Variants in CADPS observed in about 807,000 individuals in gnomAD.
CADPS encodes the protein calcium dependent secretion activator.
A neutral mutation model predicts 167.3 loss-of-function variants in CADPS; 57 were observed. The ratio of observed to expected loss-of-function variants is 0.34; its 90% CI spans 0.28 to 0.42. The LOEUF (loss-of-function observed/expected upper bound fraction) is 0.42, where lower values mean the gene tolerates loss of function less well. CADPS is among the 20% of genes least tolerant of loss of function. The probability of loss-of-function intolerance (pLI) is 1.00; values close to 1 mark genes in which losing one functional copy is unlikely to be tolerated. For missense variants in CADPS, 1,414 were observed against 1,738.1 expected, an observed-to-expected ratio of 0.81 and a Z score of 3.32; for synonymous variants, 676 against 635.3, an observed-to-expected ratio of 1.06 and a Z score of -0.96.
intron 18 of CADPS, among the ~76,000 whole-genome samples, chr3:62,497,752 T>C (rs1424492349): frequency 6.6e-6 from 1 of 152,070 alleles, no homozygotes; most frequent in African/African-American, 2.4e-5. Context: ...ATAGAGACGG[T>C]TGTTGAGGAA....
chr3:62,821,288 T>C (rs778230222), intron 1 of CADPS, among the ~76,000 whole-genome samples: 10 of 152,106 alleles, frequency 6.6e-5, no homozygotes, highest in Non-Finnish European at 1.3e-4. Flanking sequence ...CTCACCTGGG[T>C]TCTCTGCTTT....
chr3:62,661,156 C>T (rs1213666016), intron 4 of CADPS, among the ~76,000 whole-genome samples: 1 of 152,144 alleles, frequency 6.6e-6, no homozygotes, highest in African/African-American at 2.4e-5. Flanking sequence ...GTAGATAACA[C>T]TTAGCTGTAG....
chr3:62,498,723 A>AT (rs397973427), intron 18 of CADPS, among the ~76,000 whole-genome samples: 1 of 152,020 alleles, frequency 6.6e-6, no homozygotes, highest in Non-Finnish European at 1.5e-5. Flanking sequence ...GAAAAAAAAA[A>AT]TGAAGACTGT....
intron 1 of CADPS, among the ~76,000 whole-genome samples, chr3:62,810,895 G>A (rs371208354): frequency 6.6e-6 from 1 of 152,240 alleles, no homozygotes; most frequent in Non-Finnish European, 1.5e-5. Context: ...CACAAAGGAG[G>A]CTATCAGTTA....
chr3:62,725,602 T>C (rs2076595118), intron 3 of CADPS, among the ~76,000 whole-genome samples: 1 of 152,022 alleles, frequency 6.6e-6, no homozygotes, highest in Non-Finnish European at 1.5e-5. Flanking sequence ...CGTATGATGA[T>C]AAAATGAATT....
At position 62,841,645 on chromosome 3, in the gene CADPS, G is replaced by A. The variant is rs904877010; in HGVS notation, c.441+32944C>T. ...GGCAGGAAGAGGTCGAGGCTGCAGC[G>A]AGCCCTGATGGCACCACTGCACTTC... On this transcript the variant is annotated intron_variant, in intron 1 of 29. Coordinates refer to ENST00000383710, the MANE Select transcript of CADPS (RefSeq NM_003716.4). 2.6e-5 allele frequency among the ~76,000 whole-genome samples: 4 copies of A among 152,146 alleles called. 1 individual carries two copies. The highest frequency in any genetic ancestry group is 3.9e-4 in the East Asian group (2 of 5,180).
intron 1 of CADPS, among the ~76,000 whole-genome samples, chr3:62,835,177 G>C (rs2075717794): frequency 1.3e-5 from 2 of 151,946 alleles, no homozygotes. Context: ...ACTTTTTTTA[G>C]TTTCATGCAA....
chr3:62,427,880 T>C (rs1037019211), intron 28 of CADPS, among the ~76,000 whole-genome samples: 2 of 152,194 alleles, frequency 1.3e-5, no homozygotes, highest in African/African-American at 4.8e-5. Flanking sequence ...AAAAAAAATC[T>C]TTTTTTCTAC....
chr3:62,727,305 G>T (rs555317), intron 3 of CADPS, among the ~76,000 whole-genome samples: 100,114 of 151,672 alleles, frequency 0.66, 35,282 homozygotes, highest in African/African-American at 0.91. Flanking sequence ...TATAAATAAA[G>T]CTCATAGATG....
intron 3 of CADPS, among the ~76,000 whole-genome samples, chr3:62,729,771 C>G (rs1410792830): frequency 6.6e-6 from 1 of 151,678 alleles, no homozygotes; most frequent in African/African-American, 2.4e-5. Flanking sequence ...GCCTTTAACA[C>G]TTTCTCATTC....
chr3:62,407,318 A>G (rs372717282), intron 28 of CADPS, among the ~76,000 whole-genome samples: 4 of 152,240 alleles, frequency 2.6e-5, no homozygotes, highest in African/African-American at 9.6e-5. Flanking sequence ...CTTATAGGAC[A>G]CACAAGTAGC....
chr3:62,721,468 G>C (rs1439891419), intron 3 of CADPS, among the ~76,000 whole-genome samples: 1 of 152,022 alleles, frequency 6.6e-6, no homozygotes, highest in African/African-American at 2.4e-5. Context: ...CTAAGCTGTG[G>C]GTAGGTAAGC....
At chr3:62,628,589 C>A (rs1307316768) in intron 6 of CADPS, among the ~76,000 whole-genome samples, 4 of 150,192 alleles carry the variant, frequency 2.7e-5, no homozygotes, top group African/African-American at 9.8e-5. Flanking sequence ...TTTACACACA[C>A]ACACACACTC....
intron 3 of CADPS, among the ~76,000 whole-genome samples, chr3:62,731,491 G>A (rs1315560250): frequency 6.6e-6 from 1 of 152,034 alleles, no homozygotes; most frequent in Non-Finnish European, 1.5e-5. Flanking sequence ...TTGTCATTGT[G>A]GTTAATAACT....
intron 6 of CADPS, chr3:62,625,400 C>T (rs1228350284): frequency 6.7e-6 from 1 of 148,752 alleles, no homozygotes; most frequent in East Asian, 1.9e-4. Flanking sequence ...CACACACACA[C>T]ACACACGCAC....
chr3:62,635,942 GATCTACAT>G (rs1414457917), intron 6 of CADPS, among the ~76,000 whole-genome samples: 1 of 152,056 alleles, frequency 6.6e-6, no homozygotes, highest in African/African-American at 2.4e-5. Context: ...ACAAGTAAGG[GATCTACAT>G]ATAAATGAAC....
chr3:62,673,198 G>T (rs541465516), intron 3 of CADPS, among the ~76,000 whole-genome samples: 7 of 152,324 alleles, frequency 4.6e-5, no homozygotes, highest in African/African-American at 1.7e-4. Context: ...TATTTGCAGA[G>T]TTAAATTTGA....
intron 3 of CADPS, among the ~76,000 whole-genome samples, chr3:62,667,042 T>G (rs893191596): frequency 6.6e-6 from 1 of 151,148 alleles, no homozygotes; most frequent in African/African-American, 2.4e-5. Context: ...ATCTTGTTTT[T>G]TTTTTTTTTT....
intron 3 of CADPS, among the ~76,000 whole-genome samples, chr3:62,688,114 T>C (rs1166314955): frequency 1.3e-5 from 2 of 152,064 alleles, no homozygotes; most frequent in African/African-American, 4.8e-5. Context: ...GCTTTTTCCA[T>C]TGCAGCACTA....
Sources: gnomAD v4.1 joint callset for allele counts (sites outside exome capture counted in the v4.1 genomes callset) on GRCh38, gnomAD v4.1.1 for gene constraint, MANE v1.5 for transcripts, NCBI Gene and HGNC (gene_info 2026-07-23, HGNC 2026-07-21) for gene names.